MYL10: variants seen among roughly 807,000 people sequenced by gnomAD.
MYL10 encodes the protein myosin regulatory light chain 10.
Under a neutral mutation model 21.9 loss-of-function variants are expected in MYL10, and 18 were observed. The observed-to-expected ratio is 0.82, with a 90% CI of 0.57 to 1.22. The LOEUF (loss-of-function observed/expected upper bound fraction) is 1.22. Among genes scored for constraint, MYL10 ranks in the 50% most tolerant of loss-of-function variants. MYL10 has a pLI of 0.00. For missense variants in MYL10, 225 were observed against 230.4 expected, an observed-to-expected ratio of 0.98 and a Z score of 0.15; for synonymous variants, 88 against 82.8, an observed-to-expected ratio of 1.06 and a Z score of -0.34.
At chr7:101,626,802 A>G (rs1169803922) in intron 1 of MYL10, among the ~76,000 whole-genome samples, 1 of 152,194 alleles carries the variant, frequency 6.6e-6, no homozygotes, top group Non-Finnish European at 1.5e-5. Context: ...AGGAAAGCAG[A>G]GGCTCAAATC....
At chr7:101,628,883 A>T (rs1424116582) in intron 1 of MYL10, among the ~76,000 whole-genome samples, 158 bp downstream of exon 1, 1 of 152,258 alleles carries the variant, frequency 6.6e-6, no homozygotes, top group Non-Finnish European at 1.5e-5. Context: ...AGCAGCTAAT[A>T]TACAACACAG....
At chr7:101,627,644 C>G (rs1244570819) in intron 1 of MYL10, 1 of 152,650 alleles carries the variant, frequency 6.6e-6, no homozygotes, top group Non-Finnish European at 1.5e-5. Context: ...TTGGGCCATT[C>G]AGAGTGGATA....
intron 1 of MYL10, among the ~76,000 whole-genome samples, chr7:101,628,697 G>A (rs1459983984): frequency 6.6e-6 from 1 of 152,012 alleles, no homozygotes; most frequent in Non-Finnish European, 1.5e-5. Context: ...TCCATCTGGG[G>A]CCCGCCATAT....
chr7:101,624,894 C>T (rs73415209), intron 1 of MYL10, among the ~76,000 whole-genome samples: 4,497 of 152,160 alleles, frequency 0.03, 220 homozygotes, highest in African/African-American at 0.1. Context: ...TCCCTGTCAC[C>T]TCCTCCGAGA....
intron 1 of MYL10, among the ~76,000 whole-genome samples, chr7:101,628,666 C>T (rs80201568): frequency 6.6e-5 from 10 of 152,134 alleles, no homozygotes; most frequent in African/African-American, 2.4e-4. Context: ...AGCCCCAGCT[C>T]GGCCTCAGAG....
At chr7:101,616,106 C>A (rs540334974) in intron 6 of MYL10, 114 bp downstream of exon 6, 2 of 782,598 alleles carry the variant, frequency 2.6e-6, no homozygotes, top group Admixed American at 4.3e-5. Context: ...GGCTGGGCAG[C>A]GGCCCCCCAG....
At chr7:101,622,931 GGCCCCAACC>G (rs1796697974) in intron 4 of MYL10, 57 bp downstream of exon 4, 3 of 1,472,672 alleles carry the variant, frequency 2.0e-6, no homozygotes, top group African/African-American at 2.8e-5. Context: ...CTGCCCTGCT[GGCCCCAACC>G]GCCCACTCTG....
Position 101,613,541 on chromosome 7 carries a change from A to G in MYL10, c.615T>C (p.Asp205=). The part of the protein sequence containing the change: ...VKQMFAAFPP[D]VCGNLDYRNL... Reference sequence around the variant, plus strand: ...TTCTGTAGTCCAGGTTGCCGCACACATCTGGGGGAAATGCTGCAAACATCT... The same window carrying G: ...TTCTGTAGTCCAGGTTGCCGCACACGTCTGGGGGAAATGCTGCAAACATCT... Residue 205 remains aspartate, a synonymous_variant, in exon 8 of 8, where the codon GAT becomes GAC. Coordinates refer to ENST00000223167, the MANE Select transcript of MYL10 (RefSeq NM_138403.5). 2 of 1,614,166 alleles carry G rather than the reference A, an allele frequency of 1.2e-6. No individual in the cohort carries two copies. The highest frequency in any genetic ancestry group is 8.5e-7 in the Non-Finnish European group (1 of 1,180,038).
chr7:101,616,543 G>A (rs1245636114), intron 5 of MYL10, among the ~76,000 whole-genome samples: 1 of 152,226 alleles, frequency 6.6e-6, no homozygotes, highest in Non-Finnish European at 1.5e-5. Flanking sequence ...TATATATTTT[G>A]TGAACAACCT....
At chr7:101,627,144 A>C (rs1271207218) in intron 1 of MYL10, among the ~76,000 whole-genome samples, 2 of 151,746 alleles carry the variant, frequency 1.3e-5, no homozygotes, top group East Asian at 3.9e-4. Context: ...ATACAAAAAA[A>C]AAAAAATAGC....
intron 6 of MYL10, 59 bp downstream of exon 6, chr7:101,616,161 C>T (rs1331116055): frequency 6.7e-7 from 1 of 1,489,894 alleles, no homozygotes; most frequent in South Asian, 1.2e-5. Flanking sequence ...TCCACCCTGA[C>T]CCCAGCCCAA....
intron 1 of MYL10, among the ~76,000 whole-genome samples, chr7:101,627,167 C>T (rs1421285952): frequency 1.3e-5 from 2 of 151,256 alleles, no homozygotes; most frequent in Non-Finnish European, 2.9e-5. Flanking sequence ...TGTGTGGTGG[C>T]GGGCGCCTGT....
intron 1 of MYL10, among the ~76,000 whole-genome samples, chr7:101,626,245 C>T (rs1025473511): frequency 1.3e-5 from 2 of 152,170 alleles, no homozygotes; most frequent in African/African-American, 4.8e-5. Flanking sequence ...AACCTCAAAG[C>T]ATCAGGACAT....
At chr7:101,619,117 C>G (rs1298641373) in intron 5 of MYL10, among the ~76,000 whole-genome samples, 1 of 152,248 alleles carries the variant, frequency 6.6e-6, no homozygotes, top group Non-Finnish European at 1.5e-5. Context: ...CCAGGCCCTC[C>G]CACTGGCCTT....
At chr7:101,622,443 G>C (rs1462996846) in intron 4 of MYL10, among the ~76,000 whole-genome samples, 2 of 152,124 alleles carry the variant, frequency 1.3e-5, no homozygotes, top group Non-Finnish European at 1.5e-5. Context: ...AGAAACTGAG[G>C]CCCAAGAAGC....
At chr7:101,624,407 C>A in intron 1 of MYL10, 143 bp from the exon 2 acceptor site, 1 of 607,576 alleles carries the variant, frequency 1.6e-6, no homozygotes, top group Non-Finnish European at 2.9e-6. Context: ...ACAAGGCTAC[C>A]CCTGAAGCCT....
At chr7:101,614,098 C>T (rs927117624) in intron 6 of MYL10, among the ~76,000 whole-genome samples, 2 of 152,226 alleles carry the variant, frequency 1.3e-5, no homozygotes, top group Non-Finnish European at 2.9e-5. Context: ...GTGACGTTCA[C>T]TGACACCTGC....
At chr7:101,625,235 C>T (rs1017665224) in intron 1 of MYL10, among the ~76,000 whole-genome samples, 1 of 152,164 alleles carries the variant, frequency 6.6e-6, no homozygotes, top group Non-Finnish European at 1.5e-5. Flanking sequence ...GTCAGGGTGT[C>T]TGGAAGTCCA....
chr7:101,627,852 T>C (rs1242011527), intron 1 of MYL10, among the ~76,000 whole-genome samples: 2 of 152,114 alleles, frequency 1.3e-5, no homozygotes, highest in Non-Finnish European at 1.5e-5. Context: ...CGTCAGGGAG[T>C]GTTGCCCAGG....
Sources: allele counts gnomAD v4.1 joint callset (sites outside exome capture counted in the v4.1 genomes callset), GRCh38; gene constraint gnomAD v4.1.1; transcripts MANE v1.5; gene names NCBI Gene and HGNC (gene_info 2026-07-23, HGNC 2026-07-21).